CSMD1: variants seen among roughly 807,000 people sequenced by gnomAD.
CSMD1 encodes CUB and Sushi multiple domains 1, also known as CUB and sushi domain-containing protein 1.
In CSMD1, 213 loss-of-function variants were observed where a neutral mutation model predicts 417.5. The ratio of observed to expected loss-of-function variants is 0.51; its 90% confidence interval spans 0.46 to 0.57. The LOEUF is 0.57. Among genes scored for constraint, CSMD1 ranks in the 20% least tolerant of loss-of-function variants. CSMD1 has a pLI of 0.00. For synonymous variants in CSMD1, 2,862 were observed against 1,736.8 expected, an observed-to-expected ratio of 1.65 and a Z score of -16.11; for missense variants, 6,923 against 4,529.7, an observed-to-expected ratio of 1.53 and a Z score of -15.17.
chr8:3,636,127 C>A (rs1488901690), intron 7 of CSMD1, among the ~76,000 whole-genome samples: 1 of 152,152 alleles, frequency 6.6e-6, no homozygotes, highest in Non-Finnish European at 1.5e-5. Context: ...CAGAAACACA[C>A]ACATTAGCCT....
At chr8:4,433,850 G>A (rs1251763199) in intron 2 of CSMD1, among the ~76,000 whole-genome samples, 2 of 152,060 alleles carry the variant, frequency 1.3e-5, no homozygotes, top group African/African-American at 2.4e-5. Context: ...AAAAAAGACT[G>A]GAATCTAAAG....
At chr8:3,394,012 T>A (rs1379713051) in intron 17 of CSMD1, among the ~76,000 whole-genome samples, 2,224 of 31,520 alleles carry the variant, frequency 0.071, 257 homozygotes, top group African/African-American at 0.21. Context: ...AAAAAATAAA[T>A]TATATATATA....
At chr8:4,578,261 C>T (rs1436064952) in intron 2 of CSMD1, among the ~76,000 whole-genome samples, 2 of 150,908 alleles carry the variant, frequency 1.3e-5, no homozygotes, top group Non-Finnish European at 2.9e-5. Flanking sequence ...CCCGGGTTCA[C>T]GCCATTCTCC....
intron 5 of CSMD1, among the ~76,000 whole-genome samples, chr8:3,870,203 G>A (rs1441137552): frequency 6.6e-6 from 1 of 152,152 alleles, no homozygotes; most frequent in Non-Finnish European, 1.5e-5. Context: ...AGAAGAAAAT[G>A]TCAACCATAT....
At chr8:3,250,987 T>A (rs1244914243) in intron 26 of CSMD1, among the ~76,000 whole-genome samples, 1 of 152,166 alleles carries the variant, frequency 6.6e-6, no homozygotes, top group Non-Finnish European at 1.5e-5. Context: ...GAGTAGATTG[T>A]GAAAATTTTC....
intron 3 of CSMD1, among the ~76,000 whole-genome samples, chr8:4,349,501 C>G (rs1048580403): frequency 6.6e-6 from 1 of 152,140 alleles, no homozygotes. Flanking sequence ...TATCTAGAAT[C>G]TACCTTCTTT....
At chr8:3,621,205 G>A (rs897593888) in intron 7 of CSMD1, among the ~76,000 whole-genome samples, 2 of 152,160 alleles carry the variant, frequency 1.3e-5, no homozygotes. Flanking sequence ...AAGCCACTCG[G>A]CGAGTAGCGT....
intron 1 of CSMD1, among the ~76,000 whole-genome samples, chr8:4,904,026 CT>C (rs1278222729): frequency 6.6e-6 from 1 of 151,950 alleles, no homozygotes; most frequent in Non-Finnish European, 1.5e-5. Flanking sequence ...TATTTTAATA[CT>C]TTTTTTGGAG....
intron 5 of CSMD1, among the ~76,000 whole-genome samples, chr8:3,899,585 C>G (rs1490386275): frequency 1.3e-5 from 2 of 152,184 alleles, no homozygotes; most frequent in African/African-American, 2.4e-5. Flanking sequence ...ATTTCTGTTT[C>G]TCAAGGATCA....
chr8:3,299,316 G>C (rs773405695), intron 25 of CSMD1, among the ~76,000 whole-genome samples: 1 of 152,106 alleles, frequency 6.6e-6, no homozygotes, highest in Non-Finnish European at 1.5e-5. Flanking sequence ...GCTGGGCATG[G>C]TGGCAGACAC....
At chr8:3,437,605 G>C (rs1047391304) in intron 12 of CSMD1, among the ~76,000 whole-genome samples, 2 of 152,164 alleles carry the variant, frequency 1.3e-5, no homozygotes, top group Admixed American at 6.5e-5. Flanking sequence ...TTATCCTTCA[G>C]AGTAGATTCT....
intron 2 of CSMD1, among the ~76,000 whole-genome samples, chr8:4,454,189 C>T (rs528512452): frequency 6.6e-6 from 1 of 152,188 alleles, no homozygotes; most frequent in South Asian, 2.1e-4. Context: ...CTACCCCATT[C>T]TGCATTAAAA....
chr8:3,852,281 C>A (rs1196697296), intron 5 of CSMD1, among the ~76,000 whole-genome samples: 4 of 151,970 alleles, frequency 2.6e-5, no homozygotes, highest in Non-Finnish European at 4.4e-5. Flanking sequence ...GTGGATGCAG[C>A]GAACTCCTGC....
intron 3 of CSMD1, among the ~76,000 whole-genome samples, chr8:4,383,760 C>A (rs1463771020): frequency 6.7e-6 from 1 of 149,308 alleles, no homozygotes; most frequent in Admixed American, 6.6e-5. Flanking sequence ...ATTTCCTTTT[C>A]TATCAGCATC....
chr8:4,752,200 T>C (rs1811375649), intron 1 of CSMD1, among the ~76,000 whole-genome samples: 1 of 152,148 alleles, frequency 6.6e-6, no homozygotes, highest in Non-Finnish European at 1.5e-5. Context: ...AATCACTTCA[T>C]CATAAACAGT....
intron 10 of CSMD1, among the ~76,000 whole-genome samples, chr8:3,521,635 A>T (rs1313102318): frequency 6.6e-6 from 1 of 152,228 alleles, no homozygotes; most frequent in East Asian, 1.9e-4. Flanking sequence ...AGCAAAGTAC[A>T]TTTACAGGAG....
chr8:3,664,363 T>C (rs976802905), intron 7 of CSMD1, among the ~76,000 whole-genome samples: 1 of 152,222 alleles, frequency 6.6e-6, no homozygotes, highest in Non-Finnish European at 1.5e-5. Context: ...TTGGACTTCA[T>C]ACAATGAAGC....
At chr8:3,824,649 G>C (rs1405302064) in intron 5 of CSMD1, among the ~76,000 whole-genome samples, 2 of 152,136 alleles carry the variant, frequency 1.3e-5, no homozygotes, top group Non-Finnish European at 1.5e-5. Context: ...TGCTGAAATA[G>C]CATTTGTTAT....
chr8:3,000,612 AAT>A (rs1350778945), intron 52 of CSMD1, among the ~76,000 whole-genome samples: 2 of 152,322 alleles, frequency 1.3e-5, no homozygotes, highest in East Asian at 3.9e-4. Flanking sequence ...GGGATCAGAG[AAT>A]AAGTTCAATT....
Sources: allele counts gnomAD v4.1 joint callset (sites outside exome capture counted in the v4.1 genomes callset), GRCh38; gene constraint gnomAD v4.1.1; transcripts MANE v1.5; gene names NCBI Gene and HGNC (gene_info 2026-07-23, HGNC 2026-07-21).